ERG: variants seen among roughly 807,000 people sequenced by gnomAD.
The protein encoded by ERG is transcriptional regulator ERG.
A neutral mutation model predicts 55.3 loss-of-function variants in ERG; 9 were observed. That is an observed-to-expected ratio of 0.16 (90% confidence interval 0.10 to 0.28). ERG has a LOEUF of 0.28. Ranked by LOEUF, ERG falls within the 10% of genes least tolerant of loss-of-function variation. The probability of loss-of-function intolerance (pLI) is 1.00; values close to 1 mark genes in which losing one functional copy is unlikely to be tolerated. For synonymous variants in ERG, 223 were observed against 237.3 expected, an observed-to-expected ratio of 0.94 and a Z score of 0.55; for missense variants, 434 against 631.6, an observed-to-expected ratio of 0.69 and a Z score of 3.35.
At chr21:38,497,347 T>C (rs1231746028) in intron 1 of ERG, among the ~76,000 whole-genome samples, 2 of 152,224 alleles carry the variant, frequency 1.3e-5, no homozygotes, top group Non-Finnish European at 2.9e-5. Context: ...CACCACCAAA[T>C]GCTTCTCACC....
At chr21:38,632,431 G>T (rs909106816) in intron 1 of ERG, among the ~76,000 whole-genome samples, 4 of 152,172 alleles carry the variant, frequency 2.6e-5, no homozygotes, top group African/African-American at 9.7e-5. Context: ...TGGGTGATAG[G>T]GTTTGGATCT....
At chr21:38,628,197 G>T (rs534976753) in intron 1 of ERG, among the ~76,000 whole-genome samples, 4 of 152,086 alleles carry the variant, frequency 2.6e-5, no homozygotes, top group Non-Finnish European at 1.5e-5. Context: ...GAATCCACTC[G>T]CCTCAGCCTC....
At chr21:38,537,049 G>GA (rs1295148219) in intron 2 of ERG, among the ~76,000 whole-genome samples, 10 of 151,896 alleles carry the variant, frequency 6.6e-5, no homozygotes, top group East Asian at 1.9e-4. Flanking sequence ...CATTTAATGA[G>GA]AAAAAAAGGA....
intron 2 of ERG, among the ~76,000 whole-genome samples, chr21:38,571,446 G>C (rs2030329637): frequency 6.6e-6 from 1 of 152,072 alleles, no homozygotes; most frequent in African/African-American, 2.4e-5. Context: ...GGGAGGCAGA[G>C]GCTGCAGTGA....
At chr21:38,568,444 G>A (rs1313821777) in intron 2 of ERG, among the ~76,000 whole-genome samples, 1 of 152,164 alleles carries the variant, frequency 6.6e-6, no homozygotes, top group East Asian at 1.9e-4. Context: ...GGAAACTGAG[G>A]CAGCTAGTAA....
chr21:38,548,953 A>T (rs1233789983), intron 2 of ERG, among the ~76,000 whole-genome samples: 2 of 151,410 alleles, frequency 1.3e-5, no homozygotes, highest in African/African-American at 2.4e-5. Context: ...TACTAAAAAA[A>T]TACAAAAAAA....
chr21:38,603,292 A>T (rs2836559), intron 1 of ERG, among the ~76,000 whole-genome samples: 10,956 of 152,002 alleles, frequency 0.072, 795 homozygotes, highest in African/African-American at 0.18. Context: ...ATATTTGAAC[A>T]TGTTTTAGGA....
intron 1 of ERG, among the ~76,000 whole-genome samples, chr21:38,600,633 G>C (rs1472660597): frequency 1.3e-5 from 2 of 152,152 alleles, no homozygotes; most frequent in Admixed American, 6.5e-5. Flanking sequence ...TAAAGGGCAG[G>C]GACAAGGGGC....
chr21:38,611,889 T>C (rs2060229383), intron 1 of ERG, among the ~76,000 whole-genome samples: 2 of 151,996 alleles, frequency 1.3e-5, no homozygotes. Flanking sequence ...TGAAGGCAGA[T>C]CTTTGTTTTC....
In ERG at chr21:38,402,676, A is replaced by G. The variant is rs367600378; in HGVS notation, c.593-39T>C. 72 of 1,198,808 alleles carry G rather than the reference A, an allele frequency of 6.0e-5. No individual in the cohort carries two copies. In the African/African-American group the frequency reaches 9.7e-4, roughly 16 times the overall value. 74.3% of individuals were successfully genotyped at this position (1,198,808 alleles called of 1,614,324 possible). A position where few individuals can be genotyped will look rare whatever the true frequency, so the allele number is the denominator to read the frequency against. ...CAAAAAGCGACATCAAAATGAAAAA[A>G]AAAAGAGAGAGAGAGAAAGAGAATT... On this transcript the variant is annotated intron_variant, in intron 4 of 9. Coordinates refer to ENST00000288319, the MANE Select transcript of ERG (RefSeq NM_182918.4).
At chr21:38,435,332 A>T (rs1323289614) in intron 2 of ERG, among the ~76,000 whole-genome samples, 1 of 152,104 alleles carries the variant, frequency 6.6e-6, no homozygotes, top group Non-Finnish European at 1.5e-5. Context: ...CAAGGAGGGG[A>T]TTGTCTGGAG....
chr21:38,585,435 A>G (rs551586187), upstream of ERG, among the ~76,000 whole-genome samples: 1 of 152,080 alleles, frequency 6.6e-6, no homozygotes, highest in African/African-American at 2.4e-5. Context: ...ATTTTTTAAA[A>G]TCTTAGAACA....
intron 1 of ERG, among the ~76,000 whole-genome samples, chr21:38,621,911 G>A (rs2060292735): frequency 6.6e-6 from 1 of 152,186 alleles, no homozygotes; most frequent in Admixed American, 6.5e-5. Context: ...GGCTGACATC[G>A]AGATGACTCT....
In ERG at chr21:38,447,709, C is replaced by T. The variant is rs2058904865; in HGVS notation, c.19-2088G>A. ...TTAAAAAATTTTTGCAAAACAGATA[C>T]TCCCTTCCCATGGTGGCACTGGCTA... On this transcript the variant is annotated intron_variant, in intron 1 of 9. Transcript: ENST00000288319. Among the ~76,000 whole-genome samples the T allele has an allele frequency of 3.9e-5, 6 of 152,048 alleles. No individual in the cohort carries two copies. In the South Asian group the frequency reaches 1.2e-3, roughly 32 times the overall value.
At position 38,380,337 on chromosome 21, in the gene ERG, C is replaced by A. The variant is rs529278362; in HGVS notation, c.*3066G>T. ...CAGAAGGCTTAGGAGAAGCAGTGAG[C>A]CTTCTAACTGCAGCAGTCCTGACAA... On this transcript the variant is annotated 3_prime_UTR_variant, in exon 10 of 10. Transcript: ENST00000288319. 9.4e-7 allele frequency: 1 copy of A among 1,058,208 alleles called. No individual in the cohort carries two copies. Among genetic ancestry groups the A allele is most frequent in the Admixed American group, 5.4e-5 (1 of 18,492 alleles). 65.6% of individuals were successfully genotyped at this position (1,058,208 alleles called of 1,614,324 possible).
At chr21:38,654,343 G>A (rs368891645) in intron 1 of ERG, among the ~76,000 whole-genome samples, 1 of 152,320 alleles carries the variant, frequency 6.6e-6, no homozygotes. Flanking sequence ...CTGTTGGCAG[G>A]TGCCTGTAAT....
chr21:38,499,839 G>GGAAGGAGGATGGGAGA (rs2059407830), upstream of ERG, among the ~76,000 whole-genome samples: 1 of 139,462 alleles, frequency 7.2e-6, no homozygotes, highest in South Asian at 2.7e-4. Flanking sequence ...AGGATGGGAG[G>GGAAGGAGGATGGGAGA]AAGGAGGGAG....
intron 1 of ERG, among the ~76,000 whole-genome samples, chr21:38,618,166 G>A (rs1056840006): frequency 3.3e-5 from 5 of 152,202 alleles, no homozygotes; most frequent in African/African-American, 1.2e-4. Context: ...AGAATAATCT[G>A]GAAGAATGCA....
chr21:38,382,052 CTTATT>C lies in ERG; in HGVS notation c.*1346_*1350del, dbSNP rs1474558412. 3.8e-6 allele frequency: 4 copies of C among 1,059,270 alleles called. No individual in the cohort carries two copies. Among genetic ancestry groups the C allele is most frequent in the South Asian group, 4.6e-5 (1 of 21,912 alleles). The allele number at this position is 1,059,270 out of a possible 1,614,324, so 65.6% of individuals were successfully genotyped here. A position where few individuals can be genotyped will look rare whatever the true frequency, so the allele number is the denominator to read the frequency against. On this transcript the variant is annotated 3_prime_UTR_variant, in exon 10 of 10. Transcript: ENST00000288319. ...ATCTGATTTGCCATGCTAGGCCAAG[CTTATT>C]TTATTACATACATTCTGCATTCTAA...
Sources: gnomAD v4.1 joint callset for allele counts (sites outside exome capture counted in the v4.1 genomes callset) on GRCh38, gnomAD v4.1.1 for gene constraint, MANE v1.5 for transcripts, NCBI Gene and HGNC (gene_info 2026-07-23, HGNC 2026-07-21) for gene names.